The following CERS6 variants were observed in gnomAD, a reference collection of about 807,000 sequenced individuals.
The protein encoded by CERS6 is LAG1 homolog, ceramide synthase 6.
A neutral mutation model predicts 56.8 loss-of-function variants in CERS6; 26 were observed. The observed-to-expected ratio is 0.46, with a 90% confidence interval of 0.34 to 0.63. The LOEUF is 0.63. Among genes scored for constraint, CERS6 ranks in the 30% least tolerant of loss-of-function variants. The probability of loss-of-function intolerance (pLI) is 0.01; values close to 1 mark genes in which losing one functional copy is unlikely to be tolerated. For missense variants in CERS6, 415 were observed against 467.5 expected, an observed-to-expected ratio of 0.89 and a Z score of 1.04; for synonymous variants, 164 against 173.3, an observed-to-expected ratio of 0.95 and a Z score of 0.42.
At chr2:168,703,576 A>C (rs768005786) in intron 6 of CERS6, among the ~76,000 whole-genome samples, 16 of 152,114 alleles carry the variant, frequency 1.1e-4, no homozygotes, top group Non-Finnish European at 2.1e-4. Flanking sequence ...AACAAACAAA[A>C]AAAAAGTGAC....
intron 4 of CERS6, among the ~76,000 whole-genome samples, chr2:168,653,868 T>C (rs1685404035): frequency 6.6e-6 from 1 of 152,210 alleles, no homozygotes; most frequent in African/African-American, 2.4e-5. Flanking sequence ...ATCATCTGCT[T>C]GAAAGTGCTA....
chr2:168,481,486 G>A (rs990641563), intron 1 of CERS6, among the ~76,000 whole-genome samples: 1 of 152,070 alleles, frequency 6.6e-6, no homozygotes, highest in African/African-American at 2.4e-5. Flanking sequence ...TTTTGCCTGT[G>A]CTCAGAAAGT....
intron 6 of CERS6, among the ~76,000 whole-genome samples, chr2:168,712,677 T>A (rs1200211766): frequency 6.6e-6 from 1 of 152,212 alleles, no homozygotes; most frequent in Non-Finnish European, 1.5e-5. Flanking sequence ...TTTTACAATC[T>A]GTAATGTTGC....
At chr2:168,727,644 T>G (rs1683389065) in intron 8 of CERS6, among the ~76,000 whole-genome samples, 1 of 152,180 alleles carries the variant, frequency 6.6e-6, no homozygotes, top group East Asian at 1.9e-4. Context: ...AGGAGAAGAT[T>G]AGCTTTTTAT....
chr2:168,606,169 C>A (rs994953672), intron 3 of CERS6, among the ~76,000 whole-genome samples: 1 of 152,236 alleles, frequency 6.6e-6, no homozygotes, highest in Admixed American at 6.5e-5. Context: ...GGGGAACCAA[C>A]TTCTTACACC....
At chr2:168,645,150 G>T (rs1289349773) in intron 4 of CERS6, among the ~76,000 whole-genome samples, 753 of 49,158 alleles carry the variant, frequency 0.015, 59 homozygotes, top group African/African-American at 0.081. Flanking sequence ...TATAGAGAGA[G>T]AGAGAGAGAG....
rs1234063991 is a variant in CERS6, at chr2:168,770,907, C to A, written c.*1245C>A. ...GCTGTTTCTGGAAAAATGAAAAATT[C>A]TATTGGACAATGGCAATATCAACAA... is the stretch of plus-strand genomic sequence containing the variant. On this transcript the variant is annotated 3_prime_UTR_variant, in exon 10 of 10. Coordinates refer to ENST00000305747, the MANE Select transcript of CERS6 (RefSeq NM_203463.3). 2.6e-5 allele frequency: 4 copies of A among 152,044 alleles called. No homozygotes were observed. The highest frequency in any genetic ancestry group is 5.9e-5 in the Non-Finnish European group (4 of 68,016). The allele number at this position is 152,044 out of a possible 1,614,324, so 9.4% of individuals were successfully genotyped here. A position where few individuals can be genotyped will look rare whatever the true frequency, so the allele number is the denominator to read the frequency against.
chr2:168,505,223 CA>C (rs200208967), intron 1 of CERS6, among the ~76,000 whole-genome samples: 1 of 147,994 alleles, frequency 6.8e-6, no homozygotes, highest in African/African-American at 2.5e-5. Context: ...ATAAAAAATG[CA>C]AAAAAAAATT....
At chr2:168,733,546 G>A (rs1683615422) in intron 8 of CERS6, among the ~76,000 whole-genome samples, 1 of 152,150 alleles carries the variant, frequency 6.6e-6, no homozygotes, top group Non-Finnish European at 1.5e-5. Context: ...CACTTTTATT[G>A]GAGAAAAGGG....
intron 8 of CERS6, among the ~76,000 whole-genome samples, chr2:168,749,736 C>G (rs541700226): frequency 1.4e-5 from 2 of 146,414 alleles, no homozygotes; most frequent in South Asian, 4.4e-4. Flanking sequence ...TCACCTGATG[C>G]AGGGCAGGTG....
At chr2:168,618,655 T>G (rs1291715872) in intron 3 of CERS6, among the ~76,000 whole-genome samples, 1 of 152,074 alleles carries the variant, frequency 6.6e-6, no homozygotes, top group East Asian at 1.9e-4. Flanking sequence ...ATAAAATACT[T>G]AGGAATATAT....
At chr2:168,690,261 G>C (rs191374017) in intron 4 of CERS6, among the ~76,000 whole-genome samples, 45 of 152,234 alleles carry the variant, frequency 3.0e-4, no homozygotes, top group African/African-American at 1.0e-3. Flanking sequence ...GTAGATAAGG[G>C]ATGCAAAAGA....
chr2:168,576,300 C>A (rs757379160), intron 3 of CERS6, among the ~76,000 whole-genome samples: 8 of 152,180 alleles, frequency 5.3e-5, no homozygotes, highest in Non-Finnish European at 1.2e-4. Flanking sequence ...TAAATTCCTT[C>A]ATGACAAAGA....
chr2:168,727,841 A>T (rs1216650898), intron 8 of CERS6, among the ~76,000 whole-genome samples: 1 of 152,242 alleles, frequency 6.6e-6, no homozygotes, highest in Non-Finnish European at 1.5e-5. Context: ...TATTAGAAAG[A>T]TTTGAAGGAT....
At chr2:168,498,628 A>G (rs1268110352) in intron 1 of CERS6, among the ~76,000 whole-genome samples, 1 of 152,226 alleles carries the variant, frequency 6.6e-6, no homozygotes, top group African/African-American at 2.4e-5. Context: ...TAAATATATT[A>G]CAGTTAGGCT....
chr2:168,535,348 T>C (rs1435588317), intron 1 of CERS6, among the ~76,000 whole-genome samples: 1 of 152,118 alleles, frequency 6.6e-6, no homozygotes, highest in Non-Finnish European at 1.5e-5. Context: ...CGTTCACGAG[T>C]GGGATCTTCT....
chr2:168,591,391 T>C (rs967194648), intron 3 of CERS6, among the ~76,000 whole-genome samples: 1 of 152,180 alleles, frequency 6.6e-6, no homozygotes, highest in Non-Finnish European at 1.5e-5. Context: ...AGAATGAGAG[T>C]TTGATAGCCA....
chr2:168,745,260 T>TTA (rs11448246), intron 8 of CERS6, among the ~76,000 whole-genome samples: 4 of 151,882 alleles, frequency 2.6e-5, no homozygotes, highest in African/African-American at 9.7e-5. Flanking sequence ...TTTTTTTTTT[T>TTA]AGACGGAGTC....
intron 8 of CERS6, among the ~76,000 whole-genome samples, chr2:168,752,875 T>G (rs1381941045): frequency 1.3e-5 from 2 of 152,174 alleles, no homozygotes; most frequent in African/African-American, 4.8e-5. Flanking sequence ...TACATCTAGG[T>G]GTAAAAACAA....
Sources: gnomAD v4.1 joint callset for allele counts (sites outside exome capture counted in the v4.1 genomes callset) on GRCh38, gnomAD v4.1.1 for gene constraint, MANE v1.5 for transcripts, NCBI Gene and HGNC (gene_info 2026-07-23, HGNC 2026-07-21) for gene names.